The following IMPG1 variants were observed in gnomAD, a reference collection of about 807,000 sequenced individuals.
IMPG1 encodes the protein interphotoreceptor matrix proteoglycan of 150 kDa.
In IMPG1, 85 loss-of-function variants were observed where a neutral mutation model predicts 92.0. That is an observed-to-expected ratio of 0.92 (90% CI 0.78 to 1.11). The LOEUF (loss-of-function observed/expected upper bound fraction) is 1.11. IMPG1 is among the 50% of genes least tolerant of loss of function. The pLI, the probability that IMPG1 is intolerant of heterozygous loss-of-function variation, is 0.00. For synonymous variants in IMPG1, 367 were observed against 334.1 expected (o/e 1.10, Z -1.08); for missense variants, 1,022 against 956.0 (o/e 1.07, Z -0.91).
chr6:75,980,448 A>G (rs1782608702), intron 12 of IMPG1, among the ~76,000 whole-genome samples: 1 of 152,220 alleles, frequency 6.6e-6, no homozygotes, highest in Admixed American at 6.5e-5. Context: ...GGGTGTTGCC[A>G]AAGGAGATTA....
At chr6:76,061,286 C>A (rs962311694) in intron 1 of IMPG1, among the ~76,000 whole-genome samples, 2 of 152,174 alleles carry the variant, frequency 1.3e-5, no homozygotes, top group African/African-American at 2.4e-5. Flanking sequence ...ATAGTTTCAA[C>A]TTTAAGGACA....
At chr6:75,987,114 T>C (rs929909714) in intron 12 of IMPG1, among the ~76,000 whole-genome samples, 2 of 152,134 alleles carry the variant, frequency 1.3e-5, no homozygotes, top group Admixed American at 1.3e-4. Context: ...CAGTACTAGT[T>C]TCCTGTGTTT....
rs1781429272 is a variant in IMPG1, at chr6:75,921,557, G to C, written c.*532C>G. 6.5e-6 allele frequency: 1 copy of C among 152,676 alleles called. No individual in the cohort carries two copies. Among genetic ancestry groups the C allele is most frequent in the African/African-American group, 2.4e-5 (1 of 41,442 alleles). The allele number at this position is 152,676 out of a possible 1,614,324, so 9.5% of individuals were successfully genotyped here. ...TATAAAACTAGTGTGCCTAATAACT[G>C]AATACTGAGGTTTGTGTTTATCAGA... On this transcript the variant is annotated 3_prime_UTR_variant, in exon 17 of 17. Coordinates refer to ENST00000369950, the MANE Select transcript of IMPG1 (RefSeq NM_001563.4).
chr6:76,009,856 A>G (rs1783154484), intron 8 of IMPG1, among the ~76,000 whole-genome samples: 1 of 152,208 alleles, frequency 6.6e-6, no homozygotes, highest in African/African-American at 2.4e-5. Flanking sequence ...TATTCACCAA[A>G]ACAACTGTTC....
At chr6:75,942,656 C>A (rs1781854219) in intron 14 of IMPG1, among the ~76,000 whole-genome samples, 1 of 152,164 alleles carries the variant, frequency 6.6e-6, no homozygotes, top group South Asian at 2.1e-4. Flanking sequence ...TTAATCAGCT[C>A]ACCCGTCAGT....
intron 8 of IMPG1, among the ~76,000 whole-genome samples, chr6:76,009,837 A>C (rs968697358): frequency 1.6e-4 from 25 of 152,262 alleles, no homozygotes; most frequent in Admixed American, 1.0e-3. Context: ...TGGATAATGA[A>C]CATTTTAATA....
intron 7 of IMPG1, 132 bp downstream of exon 7, chr6:76,018,585 TG>T: frequency 1.3e-6 from 1 of 745,224 alleles, no homozygotes; most frequent in East Asian, 2.9e-5. Context: ...ATTGTAATTT[TG>T]GTTTTCTTTT....
intron 6 of IMPG1, among the ~76,000 whole-genome samples, chr6:76,020,732 T>G (rs1783408323): frequency 6.6e-6 from 1 of 152,190 alleles, no homozygotes; most frequent in Non-Finnish European, 1.5e-5. Flanking sequence ...TGAGTTTTTC[T>G]TATCTTGCCC....
chr6:75,930,305 A>G (rs1232918506), intron 15 of IMPG1, among the ~76,000 whole-genome samples: 1 of 152,230 alleles, frequency 6.6e-6, no homozygotes, highest in Non-Finnish European at 1.5e-5. Context: ...GAAACATTCT[A>G]AGTTAAAAAA....
At chr6:75,970,731 AT>A (rs1256101644) in intron 12 of IMPG1, among the ~76,000 whole-genome samples, 1 of 152,206 alleles carries the variant, frequency 6.6e-6, no homozygotes, top group East Asian at 1.9e-4. Context: ...CAATAATGTA[AT>A]TTTTAATAGT....
intron 4 of IMPG1, among the ~76,000 whole-genome samples, chr6:76,026,124 A>C (rs1254561436): frequency 6.6e-6 from 1 of 151,774 alleles, no homozygotes; most frequent in African/African-American, 2.4e-5. Flanking sequence ...TGCGGGAAGC[A>C]CTCTAGCAGG....
chr6:75,985,941 C>G (rs1782710415), intron 12 of IMPG1, among the ~76,000 whole-genome samples: 1 of 152,166 alleles, frequency 6.6e-6, no homozygotes, highest in African/African-American at 2.4e-5. Context: ...GTGCCCATGT[C>G]AACCCTTATA....
chr6:75,982,316 G>T (rs1782639725), intron 12 of IMPG1, among the ~76,000 whole-genome samples: 1 of 151,954 alleles, frequency 6.6e-6, no homozygotes, highest in African/African-American at 2.4e-5. Flanking sequence ...GCCAAGGTGG[G>T]TGGATCACAA....
chr6:76,018,597 A>T, intron 7 of IMPG1, 121 bp downstream of exon 7: 2 of 918,932 alleles, frequency 2.2e-6, no homozygotes, highest in Non-Finnish European at 3.2e-6. Flanking sequence ...GTTTTCTTTT[A>T]AATGGTTAAA....
chr6:76,031,996 CA>C (rs780222355), intron 4 of IMPG1, among the ~76,000 whole-genome samples: 9 of 152,216 alleles, frequency 5.9e-5, no homozygotes, highest in Non-Finnish European at 1.0e-4. Flanking sequence ...TTGAAACTGG[CA>C]GACTTACGGG....
At chr6:76,026,279 A>G (rs1274516534) in intron 4 of IMPG1, among the ~76,000 whole-genome samples, 1 of 152,206 alleles carries the variant, frequency 6.6e-6, no homozygotes, top group African/African-American at 2.4e-5. Flanking sequence ...TAGCTGAACT[A>G]AGGATAAGTC....
intron 5 of IMPG1, among the ~76,000 whole-genome samples, chr6:76,022,701 C>T (rs969201100): frequency 6.6e-6 from 1 of 152,148 alleles, no homozygotes; most frequent in African/African-American, 2.4e-5. Flanking sequence ...TAGAACAGAT[C>T]ACCATAAACC....
intron 14 of IMPG1, among the ~76,000 whole-genome samples, chr6:75,941,521 AC>A (rs1223860379): frequency 6.6e-6 from 1 of 152,240 alleles, no homozygotes; most frequent in Non-Finnish European, 1.5e-5. Context: ...GTAAGTACCT[AC>A]ATAATTTTTG....
chr6:76,026,435 T>A (rs75723853), intron 4 of IMPG1, among the ~76,000 whole-genome samples: 13,895 of 152,180 alleles, frequency 0.091, 715 homozygotes, highest in East Asian at 0.16. Flanking sequence ...CCATTGCTCC[T>A]GGGCCTTTTC....
Sources: allele counts gnomAD v4.1 joint callset (sites outside exome capture counted in the v4.1 genomes callset), GRCh38; gene constraint gnomAD v4.1.1; transcripts MANE v1.5; gene names NCBI Gene and HGNC (gene_info 2026-07-23, HGNC 2026-07-21).